Variants in PIK3C2A observed in about 807,000 individuals in gnomAD.
PIK3C2A encodes the protein phosphatidylinositol 4-phosphate 3-kinase C2 domain-containing subunit alpha.
PIK3C2A carries 97 observed loss-of-function variants against 204.5 expected under a neutral mutation model. The observed-to-expected ratio is 0.47, with a 90% confidence interval of 0.40 to 0.56. PIK3C2A has a LOEUF of 0.56. Ranked by LOEUF, PIK3C2A falls within the 20% of genes least tolerant of loss-of-function variation. The pLI is 0.00. For synonymous variants in PIK3C2A, 653 were observed against 664.4 expected (o/e 0.98, Z 0.26); for missense variants, 1,735 against 1,969.2 (o/e 0.88, Z 2.25).
intron 23 of PIK3C2A, among the ~76,000 whole-genome samples, chr11:17,104,018 T>C (rs1848724809): frequency 6.6e-6 from 1 of 152,092 alleles, no homozygotes; most frequent in Non-Finnish European, 1.5e-5. Flanking sequence ...AGGTCAAAAT[T>C]CCCCTGCATT....
At chr11:17,186,964 A>T (rs1394498758) in intron 1 of PIK3C2A, among the ~76,000 whole-genome samples, 1 of 152,196 alleles carries the variant, frequency 6.6e-6, no homozygotes, top group African/African-American at 2.4e-5. Context: ...CTGTAGTTCC[A>T]GCTACTCAGG....
chr11:17,087,116 A>T lies in PIK3C2A; in HGVS notation c.*2622T>A, dbSNP rs2137249848. The T allele has an allele frequency of 6.6e-6, 1 of 152,326 alleles. No individual in the cohort carries two copies. Among genetic ancestry groups the T allele is most frequent in the South Asian group, 2.1e-4 (1 of 4,828 alleles). The allele number at this position is 152,326 out of a possible 1,614,324, so 9.4% of individuals were successfully genotyped here. On this transcript the variant is annotated 3_prime_UTR_variant, in exon 33 of 33. Transcript: ENST00000691414. ...TCCCAAAACACTGGCAAGAAGAAATAATTCTTCTGATGCAGGACAACATGT... is the reference window on the plus strand; with the variant it reads ...TCCCAAAACACTGGCAAGAAGAAATTATTCTTCTGATGCAGGACAACATGT...
chr11:17,190,124 A>G (rs1851891117), intron 1 of PIK3C2A, among the ~76,000 whole-genome samples: 1 of 152,002 alleles, frequency 6.6e-6, no homozygotes, highest in African/African-American at 2.4e-5. Context: ...TTAGCTGGGC[A>G]TAGTGACGCG....
chr11:17,132,885 G>C (rs1213830938), intron 11 of PIK3C2A, among the ~76,000 whole-genome samples: 1 of 152,132 alleles, frequency 6.6e-6, no homozygotes, highest in African/African-American at 2.4e-5. Context: ...AGATTGCAGT[G>C]ACTCAGCCAC....
chr11:17,102,271 C>T (rs1002009116), intron 24 of PIK3C2A, among the ~76,000 whole-genome samples: 1 of 152,012 alleles, frequency 6.6e-6, no homozygotes, highest in African/African-American at 2.4e-5. Flanking sequence ...CCCGTCTCTA[C>T]TAAAAATACA....
chr11:17,159,861 G>C (rs1409998572), intron 2 of PIK3C2A, among the ~76,000 whole-genome samples: 3 of 152,326 alleles, frequency 2.0e-5, no homozygotes, highest in Non-Finnish European at 4.4e-5. Flanking sequence ...TTCTGTTTTA[G>C]TCCAAAGGTA....
At chr11:17,173,380 C>T (rs1358367490) in intron 1 of PIK3C2A, among the ~76,000 whole-genome samples, 1 of 152,208 alleles carries the variant, frequency 6.6e-6, no homozygotes, top group African/African-American at 2.4e-5. Context: ...GAAAGCTTTT[C>T]TTTGAGCTTA....
At chr11:17,129,044 C>T (rs1440220699) in intron 13 of PIK3C2A, among the ~76,000 whole-genome samples, 3 of 152,216 alleles carry the variant, frequency 2.0e-5, no homozygotes, top group Non-Finnish European at 2.9e-5. Flanking sequence ...CAGTCATTGG[C>T]TGCTGCTTTT....
At chr11:17,137,045 T>C (rs2137396587) in intron 8 of PIK3C2A, among the ~76,000 whole-genome samples, 1 of 152,342 alleles carries the variant, frequency 6.6e-6, no homozygotes, top group East Asian at 1.9e-4. Context: ...TTAATAACAC[T>C]GGGCAACATT....
At chr11:17,108,379 G>A (rs1339211431) in intron 22 of PIK3C2A, among the ~76,000 whole-genome samples, 1 of 152,160 alleles carries the variant, frequency 6.6e-6, no homozygotes, top group African/African-American at 2.4e-5. Flanking sequence ...TGAGGTGGTA[G>A]GATTTCGTGA....
chr11:17,119,182 T>A, intron 17 of PIK3C2A, 38 bp downstream of exon 17: 1 of 1,133,784 alleles, frequency 8.8e-7, no homozygotes, highest in Non-Finnish European at 1.3e-6. Context: ...AAAACTAGAG[T>A]GAAAGTATAA....
At chr11:17,190,135 T>G (rs1015934182) in intron 1 of PIK3C2A, among the ~76,000 whole-genome samples, 1 of 151,932 alleles carries the variant, frequency 6.6e-6, no homozygotes, top group Admixed American at 6.6e-5. Flanking sequence ...TAGTGACGCG[T>G]GCCTGTAATC....
chr11:17,096,754 T>C (rs1271573336), intron 27 of PIK3C2A, among the ~76,000 whole-genome samples: 1 of 152,210 alleles, frequency 6.6e-6, no homozygotes, highest in Non-Finnish European at 1.5e-5. Context: ...TGTGCGTGTT[T>C]TGTATCAGAG....
At position 17,155,859 on chromosome 11, in the gene PIK3C2A, T is replaced by C. The variant is rs191511365; in HGVS notation, c.1066-230A>G. Among the ~76,000 whole-genome samples, 3 of 152,330 alleles carry C rather than the reference T, an allele frequency of 2.0e-5. No individual in the cohort carries two copies. In the East Asian group the frequency reaches 5.8e-4, roughly 29 times the overall value. On this transcript the variant is annotated intron_variant, in intron 2 of 32. Coordinates refer to ENST00000691414, the MANE Select transcript of PIK3C2A (RefSeq NM_002645.4). ...CTTGCTCAATAGTAGAAACAGGCTA[T>C]ACCGGTCAGTAAGAATGGAATGCTA...
intron 32 of PIK3C2A, 81 bp from the exon 33 acceptor site, chr11:17,090,001 G>C: frequency 9.5e-7 from 1 of 1,053,502 alleles, no homozygotes; most frequent in South Asian, 1.6e-5. Flanking sequence ...GAAAACGTGA[G>C]AATATTAGCC....
chr11:17,139,624 A>G (rs1849990326), intron 8 of PIK3C2A, among the ~76,000 whole-genome samples: 1 of 152,190 alleles, frequency 6.6e-6, no homozygotes, highest in Non-Finnish European at 1.5e-5. Flanking sequence ...ACGGCATGCC[A>G]TATTTTTGCA....
Position 17,117,503 on chromosome 11 carries a change from T to G in PIK3C2A, c.3204A>C (p.Gly1068=). 6.2e-7 allele frequency: 1 copy of G among 1,612,046 alleles called. No individual in the cohort carries two copies. The highest frequency in any genetic ancestry group is 2.2e-5 in the East Asian group (1 of 44,856). The change falls in exon 19 of 33, where the codon GGA becomes GGC. Residue 1068 remains glycine, a synonymous_variant. Coordinates refer to ENST00000691414, the MANE Select transcript of PIK3C2A (RefSeq NM_002645.4). ...GVAEKVRQAS[G]SARQVVLQRS... is the part of the protein sequence containing the mutation. Reference sequence around the variant, plus strand: ...TATGGGTACATACCTGTCTGGCTGATCCACTAGCCTGCCTTACTTTTTCTG... The same window carrying G: ...TATGGGTACATACCTGTCTGGCTGAGCCACTAGCCTGCCTTACTTTTTCTG...
At chr11:17,118,536 T>C (rs917970886) in intron 18 of PIK3C2A, 109 bp downstream of exon 18, 3 of 593,484 alleles carry the variant, frequency 5.1e-6, no homozygotes, top group South Asian at 2.5e-5. Flanking sequence ...CAATAAAATA[T>C]CTTGTATCCA....
chr11:17,194,305 G>A (rs1852062951), intron 1 of PIK3C2A: 1 of 301,834 alleles, frequency 3.3e-6, no homozygotes. Context: ...AGGCTTCAGA[G>A]TAGGTATCTG....
Sources: gnomAD v4.1 joint callset for allele counts (sites outside exome capture counted in the v4.1 genomes callset) on GRCh38, gnomAD v4.1.1 for gene constraint, MANE v1.5 for transcripts, NCBI Gene and HGNC (gene_info 2026-07-23, HGNC 2026-07-21) for gene names.